The following PLEKHJ1 variants were observed in gnomAD, a reference collection of about 807,000 sequenced individuals.
PLEKHJ1 encodes pleckstrin homology domain-containing family J member 1.
A neutral mutation model predicts 21.7 loss-of-function variants in PLEKHJ1; 20 were observed. The observed-to-expected ratio is 0.92, with a 90% CI of 0.65 to 1.34. PLEKHJ1 has a LOEUF of 1.34. PLEKHJ1 is among the 40% of genes most tolerant of loss of function. The pLI is 0.00. For missense variants in PLEKHJ1, 241 were observed against 202.0 expected (o/e 1.19, Z -1.17); for synonymous variants, 113 against 80.6 (o/e 1.40, Z -2.15).
chr19:2,233,425 A>G lies in PLEKHJ1; in HGVS notation c.*415T>C, dbSNP rs1390434910. On this transcript the variant is annotated 3_prime_UTR_variant, in exon 6 of 6. Transcript: ENST00000326631. ...GTGGGAAGGCGCATATCCTGGCGGC[A>G]GCAGCACGTGGCACCAGGTGCCAGG... is the stretch of plus-strand genomic sequence containing the variant. The G allele has an allele frequency of 4.4e-6, 1 of 227,046 alleles. No homozygotes were observed. The allele number at this position is 227,046 out of a possible 1,614,324, so 14.1% of individuals were successfully genotyped here.
chr19:2,231,397 C>G (rs907128628), downstream of PLEKHJ1: 7 of 204,580 alleles, frequency 3.4e-5, no homozygotes, highest in Admixed American at 6.0e-5. Flanking sequence ...AAGGGAGCCA[C>G]GGAGGAAAGG....
intron 1 of PLEKHJ1, 60 bp from the exon 2 acceptor site, chr19:2,236,050 G>T: frequency 6.7e-7 from 1 of 1,487,378 alleles, no homozygotes; most frequent in South Asian, 1.3e-5. Flanking sequence ...CCGGCCTCCC[G>T]TCCCCGGCGC....
chr19:2,233,869 T>C lies in PLEKHJ1; in HGVS notation c.421A>G (p.Arg141Gly). ...GCCTGCAAGCCACTCAGCTGGAACC[T>C]GGCCTCCTCGGATATGCCGAACTGT... ...LEQFGISEEA[R>G]FQLSGLQA Residue 141 changes from arginine to glycine, a missense_variant, in exon 6 of 6, where the codon AGG becomes GGG. By Grantham distance (125) the Arg-to-Gly change is moderately radical (BLOSUM62 -2). Coordinates refer to ENST00000326631, the MANE Select transcript of PLEKHJ1 (RefSeq NM_018049.3). The C allele has an allele frequency of 6.2e-7, 1 of 1,612,018 alleles. No individual in the cohort carries two copies. Among genetic ancestry groups the C allele is most frequent in the African/African-American group, 1.3e-5 (1 of 75,050 alleles).
chr19:2,235,699 A>T, intron 3 of PLEKHJ1, 63 bp downstream of exon 3: 1 of 1,449,586 alleles, frequency 6.9e-7, no homozygotes, highest in Non-Finnish European at 9.4e-7. Context: ...GGGAGGGGAA[A>T]GTGCGGCGCT....
downstream of PLEKHJ1, chr19:2,232,223 A>G: frequency 4.5e-6 from 1 of 220,266 alleles, no homozygotes; most frequent in Non-Finnish European, 9.1e-6. Context: ...AACCCTAAAA[A>G]CTAGGATACC....
chr19:2,234,613 G>C (rs927654036), intron 3 of PLEKHJ1: 1 of 240,542 alleles, frequency 4.2e-6, no homozygotes, highest in East Asian at 1.1e-4. Flanking sequence ...GGAGTCAGAA[G>C]TGGGAGGACT....
At chr19:2,229,984 TTA>T, downstream of PLEKHJ1, 1 of 802,562 alleles carries the variant, frequency 1.2e-6, no homozygotes, top group Non-Finnish European at 1.9e-6. Flanking sequence ...GTCGATAGTT[TTA>T]GATAAAGTAT....
In PLEKHJ1 at chr19:2,235,609, A is replaced by G. The variant is rs918718982; in HGVS notation, c.229+153T>C. On this transcript the variant is annotated intron_variant, in intron 3 of 5. Coordinates refer to ENST00000326631, the MANE Select transcript of PLEKHJ1 (RefSeq NM_018049.3). ...TGCCCGCCAGGAGAACTTGACCTTG[A>G]GCTGCCCGTGGACAATGCACTCTTG... The G allele has an allele frequency of 7.7e-6, 5 of 652,420 alleles. No individual in the cohort carries two copies. The Admixed American group carries it at 1.2e-4, about 15-fold the overall frequency. 40.4% of individuals were successfully genotyped at this position (652,420 alleles called of 1,614,324 possible). A position where few individuals can be genotyped will look rare whatever the true frequency, so the allele number is the denominator to read the frequency against.
At chr19:2,230,880 G>C (rs745896661), downstream of PLEKHJ1, 1 of 325,124 alleles carries the variant, frequency 3.1e-6, no homozygotes, top group Admixed American at 5.0e-5. Flanking sequence ...ATCCCTTCCT[G>C]TCAGGGCCAC....
chr19:2,231,109 T>C, downstream of PLEKHJ1: 1 of 229,980 alleles, frequency 4.3e-6, no homozygotes, highest in Non-Finnish European at 8.6e-6. Flanking sequence ...CCAGTGCTTC[T>C]GGAGCCCTGA....
chr19:2,236,201 G>C lies in PLEKHJ1; in HGVS notation c.48C>G (p.Ala16=), dbSNP rs769060461. Residue 16 remains alanine, a synonymous_variant, in exon 1 of 6, where the codon GCC becomes GCG. Transcript: ENST00000326631. The part of the protein sequence containing the change: ...KELQALSRQP[A]EMAAELGMRG... The stretch of plus-strand genomic sequence containing the variant: ...TCATGCCCAGCTCGGCCGCCATCTC[G>C]GCCGGCTGCCGGGACAGAGCCTGCA... The C allele has an allele frequency of 2.7e-6, 4 of 1,477,230 alleles. No homozygotes were observed. In the African/African-American group the frequency reaches 5.9e-5, roughly 22 times the overall value. The allele number at this position is 1,477,230 out of a possible 1,614,324, so 91.5% of individuals were successfully genotyped here.
At position 2,236,236 on chromosome 19, in the gene PLEKHJ1, C is replaced by G. The variant is rs942544836; in HGVS notation, c.13G>C (p.Glu5Gln). Residue 5 changes from glutamate to glutamine, a missense_variant, in exon 1 of 6, where the codon GAG (glutamate) becomes CAG (glutamine). Glu to Gln is a conservative substitution (Grantham distance 29). Coordinates refer to ENST00000326631, the MANE Select transcript of PLEKHJ1 (RefSeq NM_018049.3). Reference protein sequence around the residue: MRYNEKELQALSRQP... With the variant: MRYNQKELQALSRQP... ...CGGGACAGAGCCTGCAGCTCCTTCTCGTTGTACCGCATGGCTCCGCGGGGA... is the reference window on the plus strand; with the variant it reads ...CGGGACAGAGCCTGCAGCTCCTTCTGGTTGTACCGCATGGCTCCGCGGGGA... The G allele has an allele frequency of 3.5e-6, 5 of 1,440,234 alleles. No individual in the cohort carries two copies. The highest frequency in any genetic ancestry group is 4.5e-6 in the Non-Finnish European group (5 of 1,101,222). The allele number at this position is 1,440,234 out of a possible 1,614,324, so 89.2% of individuals were successfully genotyped here.
In PLEKHJ1 at chr19:2,234,081, G is replaced by C. The variant is rs139405773; in HGVS notation, c.321-20C>G. ...TCGTAGCTGGGGAAAAGGGTGGCACGGGGTCAAATGCCCGCTCTGCATGGC... is the reference window on the plus strand; with the variant it reads ...TCGTAGCTGGGGAAAAGGGTGGCACCGGGTCAAATGCCCGCTCTGCATGGC... On this transcript the variant is annotated intron_variant, in intron 4 of 5. Transcript: ENST00000326631. The C allele has an allele frequency of 6.2e-6, 10 of 1,613,204 alleles. No homozygotes were observed. The African/African-American group carries it at 1.2e-4, about 19-fold the overall frequency.
At chr19:2,231,998 T>A (rs2024619825), downstream of PLEKHJ1, 1 of 208,886 alleles carries the variant, frequency 4.8e-6, no homozygotes, top group Non-Finnish European at 9.7e-6. Context: ...ACCCTCCTGT[T>A]CTGAGCCCTG....
rs540368013 is a variant in PLEKHJ1, at chr19:2,233,888, G to A, written c.402C>T (p.Phe134=). Residue 134 remains phenylalanine (F), a synonymous_variant, in exon 6 of 6, where the codon TTC becomes TTT. Transcript: ENST00000326631. ...KVTGKDPLEQ[F]GISEEARFQL... ...GGAACCTGGCCTCCTCGGATATGCC[G>A]AACTGTTCCAGGGGGTCCTGTGGGG... 7.3e-5 allele frequency: 118 copies of A among 1,612,550 alleles called. No homozygotes were observed. In the East Asian group the frequency reaches 1.2e-3, roughly 16 times the overall value.
chr19:2,232,135 C>T (rs372577123), downstream of PLEKHJ1: 95 of 198,842 alleles, frequency 4.8e-4, no homozygotes, highest in African/African-American at 2.2e-3. Context: ...GGGCAGCTGG[C>T]GGGGACCTGT....
chr19:2,235,735 G>A (rs1353844878), intron 3 of PLEKHJ1, 27 bp downstream of exon 3: 11 of 1,539,048 alleles, frequency 7.1e-6, no homozygotes, highest in Non-Finnish European at 7.9e-6. Flanking sequence ...TGCGGGAAGC[G>A]CCGCTGGCTT....
At chr19:2,230,592 G>A (rs908021998), downstream of PLEKHJ1, 1 of 398,714 alleles carries the variant, frequency 2.5e-6, no homozygotes, top group South Asian at 1.3e-4. Flanking sequence ...GGGCAGGCCT[G>A]TCGTGGGTCC....
At chr19:2,234,288 C>G (rs1216865200) in intron 3 of PLEKHJ1, 48 bp from the exon 4 acceptor site, 1 of 1,441,128 alleles carries the variant, frequency 6.9e-7, no homozygotes, top group South Asian at 1.2e-5. Context: ...CCACAAGCAG[C>G]TTCCTCTTGC....
Sources: allele counts gnomAD v4.1 joint callset, GRCh38; gene constraint gnomAD v4.1.1; transcripts MANE v1.5; gene names NCBI Gene and HGNC (gene_info 2026-07-23, HGNC 2026-07-21).